The following CMC1 variants were observed in gnomAD, a reference collection of about 807,000 sequenced individuals.
The protein encoded by CMC1 is C-X9-C motif containing 1, also known as COX assembly mitochondrial protein homolog.
Under a neutral mutation model 14.1 loss-of-function variants are expected in CMC1, and 14 were observed. That is an observed-to-expected ratio of 0.99 (90% CI 0.66 to 1.55). The LOEUF (loss-of-function observed/expected upper bound fraction) is 1.55, where lower values mean the gene tolerates loss of function less well. Among genes scored for constraint, CMC1 ranks in the 40% most tolerant of loss-of-function variants. The pLI is 0.00. For missense variants in CMC1, 127 were observed against 123.8 expected (o/e 1.03, Z -0.12); for synonymous variants, 50 against 38.4 (o/e 1.30, Z -1.12).
At chr3:28,257,680 A>G (rs1293502455) in intron 1 of CMC1, among the ~76,000 whole-genome samples, 1 of 151,932 alleles carries the variant, frequency 6.6e-6, no homozygotes, top group Non-Finnish European at 1.5e-5. Context: ...CACCATGCCC[A>G]GCTAATTTTT....
At chr3:28,319,016 C>T (rs1285308550) in intron 3 of CMC1, 1 of 315,722 alleles carries the variant, frequency 3.2e-6, no homozygotes, top group Non-Finnish European at 6.3e-6. Flanking sequence ...TGTGCATAAT[C>T]TGCTATAGTG....
At chr3:28,289,081 T>C (rs1032370380) in intron 2 of CMC1, among the ~76,000 whole-genome samples, 8 of 151,626 alleles carry the variant, frequency 5.3e-5, no homozygotes, top group Non-Finnish European at 8.9e-5. Flanking sequence ...TCTTTAAATA[T>C]ATTTTTAAAA....
At chr3:28,316,585 T>G in intron 3 of CMC1, 162 bp downstream of exon 3, 1 of 404,060 alleles carries the variant, frequency 2.5e-6, no homozygotes, top group African/African-American at 2.1e-5. Context: ...AAATGCAACA[T>G]ATTTATGAAA....
chr3:28,316,936 T>A (rs2030877355), intron 3 of CMC1: 2 of 152,120 alleles, frequency 1.3e-5, no homozygotes, highest in African/African-American at 4.8e-5. Context: ...AATATTTTGT[T>A]GTAGTTCCTT....
At chr3:28,249,154 C>T (rs1240777301) in intron 1 of CMC1, among the ~76,000 whole-genome samples, 1 of 152,170 alleles carries the variant, frequency 6.6e-6, no homozygotes, top group Admixed American at 6.5e-5. Context: ...TGTTTACCAT[C>T]CTGCATTGTG....
intron 2 of CMC1, among the ~76,000 whole-genome samples, chr3:28,296,286 A>C (rs968890315): frequency 3.3e-5 from 5 of 152,114 alleles, no homozygotes; most frequent in African/African-American, 1.2e-4. Context: ...CAGATGACTT[A>C]GGAAATAACT....
At chr3:28,289,189 T>C (rs567287840) in intron 2 of CMC1, among the ~76,000 whole-genome samples, 15 of 151,960 alleles carry the variant, frequency 9.9e-5, no homozygotes, top group Middle Eastern at 6.9e-3. Flanking sequence ...TATAGAAAAG[T>C]CTCGATGAGT....
At chr3:28,283,568 G>GAA (rs975246679) in intron 2 of CMC1, among the ~76,000 whole-genome samples, 2 of 119,382 alleles carry the variant, frequency 1.7e-5, no homozygotes, top group African/African-American at 5.9e-5. Context: ...AAAAAAAAAA[G>GAA]AAAAGAAGAA....
At chr3:28,282,711 A>C (rs866985399) in intron 2 of CMC1, among the ~76,000 whole-genome samples, 1 of 152,118 alleles carries the variant, frequency 6.6e-6, no homozygotes, top group East Asian at 1.9e-4. Context: ...GCATTCTAAT[A>C]TATTACCTGT....
At chr3:28,248,764 C>T (rs944685321) in intron 1 of CMC1, among the ~76,000 whole-genome samples, 7 of 152,068 alleles carry the variant, frequency 4.6e-5, no homozygotes, top group African/African-American at 1.7e-4. Context: ...TAACATTCTC[C>T]CCGACAATCC....
chr3:28,247,444 T>C (rs547237940), intron 1 of CMC1, among the ~76,000 whole-genome samples: 84 of 152,310 alleles, frequency 5.5e-4, no homozygotes, highest in African/African-American at 1.9e-3. Flanking sequence ...ATACAGTTTA[T>C]TGTGCCTTGG....
At chr3:28,281,589 CAG>C (rs1700895417) in intron 2 of CMC1, among the ~76,000 whole-genome samples, 1 of 152,122 alleles carries the variant, frequency 6.6e-6, no homozygotes, top group Non-Finnish European at 1.5e-5. Context: ...GCTGTAGATA[CAG>C]AGTTGAAGTC....
chr3:28,270,812 A>G (rs962369658), intron 2 of CMC1, among the ~76,000 whole-genome samples: 1 of 151,580 alleles, frequency 6.6e-6, no homozygotes, highest in Non-Finnish European at 1.5e-5. Context: ...CATTTTCGTC[A>G]TGAAATTCTT....
At chr3:28,244,457 G>A (rs200609438) in intron 1 of CMC1, among the ~76,000 whole-genome samples, 1 of 152,188 alleles carries the variant, frequency 6.6e-6, no homozygotes, top group East Asian at 1.9e-4. Context: ...AGTGGGCACC[G>A]TGGCTCATGC....
intron 2 of CMC1, among the ~76,000 whole-genome samples, chr3:28,275,754 T>C (rs1458791737): frequency 6.6e-6 from 1 of 152,122 alleles, no homozygotes; most frequent in Non-Finnish European, 1.5e-5. Context: ...GTAGCCGCCC[T>C]TGCCCCCAGG....
Position 28,323,699 on chromosome 3 carries a change from A to G in CMC1, c.*4070A>G, listed in dbSNP as rs1703266329. The G allele has an allele frequency of 5.7e-6, 1 of 176,194 alleles. No individual in the cohort carries two copies. The highest frequency in any genetic ancestry group is 1.5e-4 in the East Asian group (1 of 6,706). 10.9% of individuals were successfully genotyped at this position (176,194 alleles called of 1,614,324 possible). A position where few individuals can be genotyped will look rare whatever the true frequency, so the allele number is the denominator to read the frequency against. On this transcript the variant is annotated 3_prime_UTR_variant, in exon 4 of 4. Coordinates refer to ENST00000466830, the MANE Select transcript of CMC1 (RefSeq NM_182523.2). ...ATGAACAGATATTTAGACATTTCACATTTTGTAAAACCACGTCTACAATCT... is the reference window on the plus strand; with the variant it reads ...ATGAACAGATATTTAGACATTTCACGTTTTGTAAAACCACGTCTACAATCT...
chr3:28,283,514 A>C (rs573930753), intron 2 of CMC1, among the ~76,000 whole-genome samples: 1 of 148,426 alleles, frequency 6.7e-6, no homozygotes, highest in African/African-American at 2.5e-5. Flanking sequence ...GAGAGACTCC[A>C]TCTCAACAGC....
intron 2 of CMC1, chr3:28,316,081 A>G: frequency 3.7e-6 from 1 of 272,748 alleles, no homozygotes; most frequent in Non-Finnish European, 6.9e-6. Flanking sequence ...ACATTTATTT[A>G]TACAAAGTGA....
At chr3:28,252,043 G>A (rs972707964) in intron 1 of CMC1, among the ~76,000 whole-genome samples, 3 of 152,178 alleles carry the variant, frequency 2.0e-5, no homozygotes, top group African/African-American at 7.2e-5. Context: ...CCACAATGGC[G>A]GTTGTAACAC....
Sources: allele counts gnomAD v4.1 joint callset (sites outside exome capture counted in the v4.1 genomes callset), GRCh38; gene constraint gnomAD v4.1.1; transcripts MANE v1.5; gene names NCBI Gene and HGNC (gene_info 2026-07-23, HGNC 2026-07-21).